The following TSHR variants were observed in gnomAD, a reference collection of about 807,000 sequenced individuals.
TSHR encodes the protein thyrotropin receptor.
A neutral mutation model predicts 64.1 loss-of-function variants in TSHR; 51 were observed. The ratio of observed to expected loss-of-function variants is 0.80; its 90% CI spans 0.64 to 1.01. The LOEUF is 1.01. Among genes scored for constraint, TSHR ranks in the 50% least tolerant of loss-of-function variants. TSHR has a pLI of 0.00. For missense variants in TSHR, 877 were observed against 942.8 expected (o/e 0.93, Z 0.91); for synonymous variants, 361 against 361.9 (o/e 1.00, Z 0.03).
intron 1 of TSHR, among the ~76,000 whole-genome samples, chr14:81,022,291 A>G (rs1001242753): frequency 4.6e-5 from 7 of 151,932 alleles, no homozygotes; most frequent in African/African-American, 1.7e-4. Flanking sequence ...CAAAACAAAC[A>G]ACAAAAAAAT....
chr14:81,086,002 A>T (rs112478700), intron 3 of TSHR, among the ~76,000 whole-genome samples: 9 of 151,546 alleles, frequency 5.9e-5, no homozygotes, highest in African/African-American at 2.2e-4. Flanking sequence ...TAAAGCCAGG[A>T]CAAAAAAATG....
At chr14:81,035,334 T>G (rs1203622569) in intron 1 of TSHR, among the ~76,000 whole-genome samples, 1 of 152,218 alleles carries the variant, frequency 6.6e-6, no homozygotes, top group Non-Finnish European at 1.5e-5. Flanking sequence ...GCCCATGCCC[T>G]GCTCAGCTGT....
chr14:81,004,168 C>T (rs1318624477), intron 1 of TSHR, among the ~76,000 whole-genome samples: 1 of 152,154 alleles, frequency 6.6e-6, no homozygotes, highest in Non-Finnish European at 1.5e-5. Flanking sequence ...TTAAAACACC[C>T]TGACCTCAAA....
chr14:81,039,785 G>A (rs757529607), intron 1 of TSHR, among the ~76,000 whole-genome samples: 2 of 151,872 alleles, frequency 1.3e-5, no homozygotes, highest in African/African-American at 2.4e-5. Flanking sequence ...TTTCTACAAT[G>A]GGAATTATAA....
intron 3 of TSHR, among the ~76,000 whole-genome samples, chr14:81,083,721 A>G (rs2139954190): frequency 6.6e-6 from 1 of 152,296 alleles, no homozygotes. Context: ...AATCTTCTGT[A>G]TTAATTTGTA....
intron 1 of TSHR, among the ~76,000 whole-genome samples, chr14:80,980,966 C>T (rs925565995): frequency 6.6e-6 from 1 of 151,900 alleles, no homozygotes; most frequent in East Asian, 1.9e-4. Flanking sequence ...TTGATCATGT[C>T]TTTTATGTCC....
At chr14:80,988,380 G>T (rs568806293) in intron 1 of TSHR, among the ~76,000 whole-genome samples, 1 of 152,084 alleles carries the variant, frequency 6.6e-6, no homozygotes, top group Non-Finnish European at 1.5e-5. Flanking sequence ...TGGAGGAAGG[G>T]GGTGGGGAAG....
intron 1 of TSHR, among the ~76,000 whole-genome samples, chr14:81,045,103 T>C (rs948160701): frequency 2.0e-5 from 3 of 152,134 alleles, no homozygotes; most frequent in Admixed American, 1.3e-4. Context: ...TGCAGGGACA[T>C]GGATGGAGTT....
chr14:81,106,187 T>C (rs996469771), intron 7 of TSHR, among the ~76,000 whole-genome samples: 2 of 152,204 alleles, frequency 1.3e-5, no homozygotes, highest in Non-Finnish European at 1.5e-5. Context: ...ATACTGGGTG[T>C]TCTGCCACTA....
intron 1 of TSHR, among the ~76,000 whole-genome samples, chr14:81,054,701 A>G: frequency 6.6e-6 from 1 of 152,132 alleles, no homozygotes; most frequent in East Asian, 1.9e-4. Context: ...AGATTTGTGG[A>G]ACTTTGAACT....
intron 7 of TSHR, among the ~76,000 whole-genome samples, chr14:81,101,513 A>G (rs945270882): frequency 2.0e-5 from 3 of 152,350 alleles, no homozygotes; most frequent in South Asian, 2.1e-4. Flanking sequence ...AAATGCTTCT[A>G]ATGTTAAATA....
chr14:81,106,312 C>G (rs1239344484), intron 7 of TSHR, among the ~76,000 whole-genome samples: 1 of 152,214 alleles, frequency 6.6e-6, no homozygotes, highest in Admixed American at 6.5e-5. Flanking sequence ...TAAGCCAAGT[C>G]TTCTATTTTT....
At chr14:81,072,972 G>C (rs1398155719) in intron 3 of TSHR, among the ~76,000 whole-genome samples, 13 of 97,634 alleles carry the variant, frequency 1.3e-4, no homozygotes, top group African/African-American at 7.6e-4. Context: ...ACTCCAGCCT[G>C]GGCGACAGAG....
rs375609968 is a variant in TSHR, at chr14:80,955,870, C to G, written c.170+20C>G. ...GACTCTGTGAGTACCCGGGAGAGATCAGGGTAGGACCCAGAGATCAAGGGC... is the reference window on the plus strand; with the variant it reads ...GACTCTGTGAGTACCCGGGAGAGATGAGGGTAGGACCCAGAGATCAAGGGC... On this transcript the variant is annotated intron_variant, in intron 1 of 9. Transcript: ENST00000298171. 3.1e-6 allele frequency: 5 copies of G among 1,613,936 alleles called. No homozygotes were observed. Among genetic ancestry groups the G allele is most frequent in the Non-Finnish European group, 4.2e-6 (5 of 1,180,038 alleles).
At chr14:81,121,563 A>G (rs1334025769) in intron 8 of TSHR, among the ~76,000 whole-genome samples, 1 of 152,168 alleles carries the variant, frequency 6.6e-6, no homozygotes, top group African/African-American at 2.4e-5. Flanking sequence ...GGATGACCAC[A>G]AAGGGAGGTC....
intron 4 of TSHR, 114 bp downstream of exon 4, chr14:81,088,142 G>A: frequency 2.3e-6 from 2 of 855,950 alleles, no homozygotes; most frequent in Non-Finnish European, 3.9e-6. Flanking sequence ...TTTTAATGGT[G>A]TATAGCCTGG....
intron 9 of TSHR, among the ~76,000 whole-genome samples, chr14:81,141,630 C>A (rs544649927): frequency 2.3e-4 from 35 of 152,210 alleles, no homozygotes; most frequent in African/African-American, 8.2e-4. Context: ...ACAGGCTGGC[C>A]GGGGGCAGTG....
chr14:81,061,755 A>G (rs932144915), intron 1 of TSHR, among the ~76,000 whole-genome samples: 1 of 152,098 alleles, frequency 6.6e-6, no homozygotes, highest in South Asian at 2.1e-4. Context: ...GTTTACCTAT[A>G]TAACAAATCT....
chr14:81,051,876 A>ATAC (rs1450934764), intron 1 of TSHR: 2 of 152,046 alleles, frequency 1.3e-5, no homozygotes, highest in Admixed American at 6.6e-5. Context: ...CCCATTTTTA[A>ATAC]TACGAGTATA....
Sources: gnomAD v4.1 joint callset for allele counts (sites outside exome capture counted in the v4.1 genomes callset) on GRCh38, gnomAD v4.1.1 for gene constraint, MANE v1.5 for transcripts, NCBI Gene and HGNC (gene_info 2026-07-23, HGNC 2026-07-21) for gene names.